The following TACR3 variants were observed in gnomAD, a reference collection of about 807,000 sequenced individuals.
TACR3 encodes neuromedin-K receptor.
TACR3 carries 34 observed loss-of-function variants against 35.0 expected under a neutral mutation model. The observed-to-expected ratio is 0.97, with a 90% CI of 0.74 to 1.30. The LOEUF (loss-of-function observed/expected upper bound fraction) is 1.30. Among genes scored for constraint, TACR3 ranks in the 50% most tolerant of loss-of-function variants. The probability of loss-of-function intolerance (pLI) is 0.00; values close to 1 mark genes in which losing one functional copy is unlikely to be tolerated. For synonymous variants in TACR3, 233 were observed against 221.1 expected (o/e 1.05, Z -0.48); for missense variants, 558 against 591.7 (o/e 0.94, Z 0.59).
intron 1 of TACR3, among the ~76,000 whole-genome samples, chr4:103,711,265 C>T (rs1003520695): frequency 3.3e-5 from 5 of 152,104 alleles, no homozygotes; most frequent in African/African-American, 1.2e-4. Flanking sequence ...CAAACAGAAC[C>T]CAGCAGCACA....
chr4:103,664,202 C>G (rs1027720607), intron 1 of TACR3, among the ~76,000 whole-genome samples: 1 of 152,158 alleles, frequency 6.6e-6, no homozygotes, highest in African/African-American at 2.4e-5. Context: ...CCTTTCCACT[C>G]TAATACTAGA....
intron 1 of TACR3, among the ~76,000 whole-genome samples, chr4:103,666,236 A>G (rs1389594742): frequency 2.0e-5 from 3 of 152,322 alleles, no homozygotes; most frequent in Non-Finnish European, 4.4e-5. Context: ...ACAGTGGTAA[A>G]GACATTAGGT....
intron 3 of TACR3, among the ~76,000 whole-genome samples, chr4:103,598,323 G>C (rs1724093013): frequency 6.6e-6 from 1 of 152,062 alleles, no homozygotes; most frequent in Non-Finnish European, 1.5e-5. Flanking sequence ...TTGTAAATTT[G>C]TTTGAGTTCA....
At chr4:103,697,712 C>G (rs1311884074) in intron 1 of TACR3, among the ~76,000 whole-genome samples, 1 of 152,186 alleles carries the variant, frequency 6.6e-6, no homozygotes, top group African/African-American at 2.4e-5. Flanking sequence ...GCATGAGCCA[C>G]TGCGCCCAGC....
chr4:103,614,965 G>A (rs913614161), intron 3 of TACR3, among the ~76,000 whole-genome samples: 5 of 125,826 alleles, frequency 4.0e-5, no homozygotes, highest in African/African-American at 1.5e-4. Context: ...CGCGATCTCC[G>A]CTCACTGCAA....
At chr4:103,635,021 G>A (rs1400197294) in intron 3 of TACR3, among the ~76,000 whole-genome samples, 1 of 151,952 alleles carries the variant, frequency 6.6e-6, no homozygotes, top group Non-Finnish European at 1.5e-5. Context: ...TTCTGAGCTA[G>A]TTTCAGTCTC....
At chr4:103,652,100 C>G (rs1725633172) in intron 3 of TACR3, among the ~76,000 whole-genome samples, 2 of 152,090 alleles carry the variant, frequency 1.3e-5, no homozygotes, top group Admixed American at 1.3e-4. Flanking sequence ...CCACTGATGT[C>G]TCAGTAGGTT....
chr4:103,651,704 C>A (rs1163309871), intron 3 of TACR3, among the ~76,000 whole-genome samples: 5 of 151,942 alleles, frequency 3.3e-5, no homozygotes, highest in Admixed American at 2.6e-4. Context: ...CTGAGTCTCA[C>A]TTGAAGCTAG....
At chr4:103,696,409 G>A (rs527812725) in intron 1 of TACR3, among the ~76,000 whole-genome samples, 3 of 151,968 alleles carry the variant, frequency 2.0e-5, no homozygotes, top group Non-Finnish European at 4.4e-5. Flanking sequence ...TAGAAACAAT[G>A]AGAAATAAAA....
At chr4:103,648,646 CA>C (rs1725511455) in intron 3 of TACR3, among the ~76,000 whole-genome samples, 1 of 152,098 alleles carries the variant, frequency 6.6e-6, no homozygotes, top group Admixed American at 6.6e-5. Context: ...AAAAGTACTC[CA>C]TTGTGTATAT....
chr4:103,639,906 A>G (rs1203364679), intron 3 of TACR3, among the ~76,000 whole-genome samples: 2 of 152,004 alleles, frequency 1.3e-5, no homozygotes, highest in East Asian at 3.9e-4. Flanking sequence ...GCACATAATA[A>G]GCACCAATCA....
intron 3 of TACR3, among the ~76,000 whole-genome samples, chr4:103,639,392 G>A (rs1295000423): frequency 6.6e-6 from 1 of 151,968 alleles, no homozygotes; most frequent in African/African-American, 2.4e-5. Flanking sequence ...GTTGAACAAT[G>A]AGAACACATG....
Position 103,708,395 on chromosome 4 carries a change from G to C in TACR3, c.548+10733C>G, listed in dbSNP as rs577173921. On this transcript the variant is annotated intron_variant, in intron 1 of 4. Transcript: ENST00000304883. ...TCCACTGCTGATACCCTGGCAAACA[G>C]GGTCTGGAGTGGACCTCCAGCAAAC... Among the ~76,000 whole-genome samples, 20 of 152,310 alleles carry C rather than the reference G, an allele frequency of 1.3e-4. No individual in the cohort carries two copies. In the South Asian group the frequency reaches 3.7e-3, roughly 28 times the overall value.
At chr4:103,653,303 G>C (rs1240729928) in intron 3 of TACR3, among the ~76,000 whole-genome samples, 1 of 151,296 alleles carries the variant, frequency 6.6e-6, no homozygotes, top group Non-Finnish European at 1.5e-5. Context: ...CATTTATTTA[G>C]AGACAAAATT....
chr4:103,629,850 CA>C (rs1170682602), intron 3 of TACR3, among the ~76,000 whole-genome samples: 14 of 90,084 alleles, frequency 1.6e-4, no homozygotes, highest in South Asian at 1.4e-3. Context: ...CTAAGCAAAA[CA>C]AAAAAAAAAC....
At chr4:103,610,435 G>T (rs1465688306) in intron 3 of TACR3, among the ~76,000 whole-genome samples, 1 of 151,922 alleles carries the variant, frequency 6.6e-6, no homozygotes, top group Non-Finnish European at 1.5e-5. Flanking sequence ...TTTGGGAAAT[G>T]TCTACTCAGA....
intron 1 of TACR3, among the ~76,000 whole-genome samples, chr4:103,663,898 T>C (rs1486880211): frequency 6.6e-6 from 1 of 152,190 alleles, no homozygotes; most frequent in Non-Finnish European, 1.5e-5. Flanking sequence ...ACCCAAATAA[T>C]TGTCAGTGCT....
intron 2 of TACR3, 29 bp downstream of exon 2, chr4:103,658,186 T>C: frequency 6.2e-7 from 1 of 1,608,430 alleles, no homozygotes. Context: ...ATAAACTGAA[T>C]TGAAAACCAT....
intron 4 of TACR3, 24 bp from the exon 5 acceptor site, chr4:103,590,018 A>ATCTGAG: frequency 6.2e-7 from 1 of 1,608,338 alleles, no homozygotes; most frequent in Non-Finnish European, 8.5e-7. Flanking sequence ...GGCCACAGAA[A>ATCTGAG]GAAAAAGTTA....
Sources: gnomAD v4.1 joint callset for allele counts (sites outside exome capture counted in the v4.1 genomes callset) on GRCh38, gnomAD v4.1.1 for gene constraint, MANE v1.5 for transcripts, NCBI Gene and HGNC (gene_info 2026-07-23, HGNC 2026-07-21) for gene names.